MAP4K3: variants seen among roughly 807,000 people sequenced by gnomAD.
MAP4K3 encodes the protein MAPK/ERK kinase kinase kinase 3.
MAP4K3 carries 94 observed loss-of-function variants against 143.5 expected under a neutral mutation model. The ratio of observed to expected loss-of-function variants is 0.65; its 90% confidence interval spans 0.55 to 0.78. MAP4K3 has a LOEUF of 0.78. MAP4K3 is among the 30% of genes least tolerant of loss of function. The pLI is 0.00. For missense variants in MAP4K3, 1,077 were observed against 1,068.1 expected, an observed-to-expected ratio of 1.01 and a Z score of -0.12; for synonymous variants, 416 against 347.2, an observed-to-expected ratio of 1.20 and a Z score of -2.20.
chr2:39,290,235 A>G (rs552741509), intron 19 of MAP4K3, 57 bp downstream of exon 19: 3 of 1,306,698 alleles, frequency 2.3e-6, no homozygotes, highest in South Asian at 2.8e-5. Context: ...TCAACAAAGT[A>G]TTAAATTGGC....
At chr2:39,414,474 G>T (rs1051418140) in intron 1 of MAP4K3, among the ~76,000 whole-genome samples, 1 of 152,134 alleles carries the variant, frequency 6.6e-6, no homozygotes, top group Non-Finnish European at 1.5e-5. Context: ...AAACATTTCA[G>T]TAATGTTTTT....
chr2:39,258,443 AGAG>A lies in MAP4K3; in HGVS notation c.2378-6_2378-4del, dbSNP rs1382990576. On this transcript the variant is annotated splice_region_variant and splice_polypyrimidine_tract_variant and intron_variant, in intron 30 of 33. Transcript: ENST00000263881. ...GAGATTTACTATTTTTATACAACCT[AGAG>A]GAAAAAAAGTCACTCAGAAACTAAG... 3 of 1,605,922 alleles carry A rather than the reference AGAG, an allele frequency of 1.9e-6. No homozygotes were observed. Among genetic ancestry groups the A allele is most frequent in the Non-Finnish European group, 2.6e-6 (3 of 1,173,794 alleles).
At chr2:39,393,809 G>A (rs1666732595) in intron 1 of MAP4K3, among the ~76,000 whole-genome samples, 1 of 152,026 alleles carries the variant, frequency 6.6e-6, no homozygotes, top group South Asian at 2.1e-4. Flanking sequence ...TGCAGAACCT[G>A]TGTATATGAA....
chr2:39,254,697 T>C (rs529146891), intron 31 of MAP4K3, among the ~76,000 whole-genome samples, 177 bp from the exon 32 acceptor site: 1 of 152,356 alleles, frequency 6.6e-6, no homozygotes, highest in East Asian at 1.9e-4. Context: ...ACAGAGCTTA[T>C]GCATCTTTTT....
At chr2:39,346,194 C>T (rs1665287005) in intron 3 of MAP4K3, among the ~76,000 whole-genome samples, 1 of 152,130 alleles carries the variant, frequency 6.6e-6, no homozygotes. Context: ...GAGAATGTAA[C>T]CACTATCTCC....
chr2:39,275,487 TAAC>T (rs1200448670), intron 24 of MAP4K3, among the ~76,000 whole-genome samples: 3 of 152,048 alleles, frequency 2.0e-5, no homozygotes, highest in South Asian at 2.1e-4. Flanking sequence ...GTCTCAAAAA[TAAC>T]AACAACAACA....
At chr2:39,264,543 C>T (rs1270339519) in intron 28 of MAP4K3, among the ~76,000 whole-genome samples, 1 of 152,120 alleles carries the variant, frequency 6.6e-6, no homozygotes, top group African/African-American at 2.4e-5. Flanking sequence ...CTAATTTCTA[C>T]TGAGATCAAA....
chr2:39,293,188 G>C, intron 17 of MAP4K3, 42 bp downstream of exon 17: 2 of 1,374,688 alleles, frequency 1.5e-6, no homozygotes, highest in Non-Finnish European at 2.0e-6. Context: ...GACTTTACTT[G>C]TCTGTGACAT....
chr2:39,282,751 T>C (rs1452540104), intron 21 of MAP4K3, among the ~76,000 whole-genome samples, 197 bp from the exon 22 acceptor site: 1 of 152,236 alleles, frequency 6.6e-6, no homozygotes, highest in Non-Finnish European at 1.5e-5. Flanking sequence ...AAAACTAGTT[T>C]GGTGTAAAAC....
At chr2:39,349,068 G>C (rs544636266) in intron 3 of MAP4K3, among the ~76,000 whole-genome samples, 1 of 152,168 alleles carries the variant, frequency 6.6e-6, no homozygotes. Flanking sequence ...AGGATGGCTA[G>C]CTATCCTGTA....
chr2:39,250,723 C>T lies in MAP4K3; in HGVS notation c.2598-18G>A, dbSNP rs1323526174. ...CCACGACCCTGAAAGTAATAAAAAA[C>T]ATATAACAAAACAAAGTTATTCCTG... is the stretch of plus-strand genomic sequence containing the variant. On this transcript the variant is annotated intron_variant, in intron 33 of 33. Transcript: ENST00000263881. 1.0e-5 allele frequency: 16 copies of T among 1,603,552 alleles called. 1 individual carries two copies. The South Asian group carries it at 1.2e-4, about 12-fold the overall frequency.
rs573768973 is a variant in MAP4K3, at chr2:39,263,694, T to C, written c.2136+1509A>G. On this transcript the variant is annotated intron_variant, in intron 28 of 33. Transcript: ENST00000263881. ...AGAAAAGGGAGAAGAGTGATTAAAA[T>C]CTTGAGGGAGACCTGCAAGTAGTAT... Among the ~76,000 whole-genome samples, 67 of 152,234 alleles carry C rather than the reference T, an allele frequency of 4.4e-4. 1 individual carries two copies. Among genetic ancestry groups the C allele is most frequent in the South Asian group, 2.5e-3 (12 of 4,822 alleles).
intron 2 of MAP4K3, among the ~76,000 whole-genome samples, chr2:39,367,635 G>C (rs1665961795): frequency 6.6e-6 from 1 of 152,104 alleles, no homozygotes; most frequent in South Asian, 2.1e-4. Context: ...GCTGGGCATG[G>C]TGTTGGAAGC....
intron 1 of MAP4K3, among the ~76,000 whole-genome samples, chr2:39,390,427 C>G (rs935455419): frequency 6.6e-6 from 1 of 152,198 alleles, no homozygotes; most frequent in Non-Finnish European, 1.5e-5. Context: ...ACCACGCAGA[C>G]TCTGAATCAG....
chr2:39,254,477 C>A lies in MAP4K3; in HGVS notation c.2514G>T (p.Met838Ile). ...CATTAGATCTAAAACTTCTACCTTG[C>A]ATTCCATGTTTCCAGAAAGCTAGCA... ...DSVLAFWKHG[M>I]QGRSFRSNEV... The change falls in exon 32 of 34, where the codon ATG becomes ATT. Residue 838 changes from methionine to isoleucine, a missense_variant. Physicochemically the swap from Met to Ile is conservative, Grantham distance 10. Around this residue, in one of 2 missense-constraint regions of MAP4K3, gnomAD observed 864 missense variants for 801.2 expected, o/e 1.08. Transcript: ENST00000263881. 2 of 1,613,922 alleles carry A rather than the reference C, an allele frequency of 1.2e-6. No individual in the cohort carries two copies. The highest frequency in any genetic ancestry group is 2.2e-5 in the South Asian group (2 of 91,042).
intron 1 of MAP4K3, among the ~76,000 whole-genome samples, chr2:39,391,088 G>T (rs1666639811): frequency 6.6e-6 from 1 of 152,072 alleles, no homozygotes; most frequent in African/African-American, 2.4e-5. Context: ...GGGCGCGGTG[G>T]CTCAAGCCTG....
chr2:39,354,543 G>A (rs1282286826), intron 3 of MAP4K3, among the ~76,000 whole-genome samples: 4 of 152,050 alleles, frequency 2.6e-5, no homozygotes, highest in Admixed American at 6.6e-5. Context: ...TCTTGAACCC[G>A]GGAAGTGGAG....
chr2:39,295,712 C>T (rs1682249310), intron 16 of MAP4K3, among the ~76,000 whole-genome samples: 1 of 135,990 alleles, frequency 7.4e-6, no homozygotes. Flanking sequence ...ATTCGCATTC[C>T]ATGTTTTTTT....
intron 1 of MAP4K3, among the ~76,000 whole-genome samples, chr2:39,417,466 C>G (rs1216906617): frequency 1.3e-5 from 2 of 151,972 alleles, no homozygotes; most frequent in South Asian, 2.1e-4. Flanking sequence ...TGATCCACCC[C>G]CTCCGTCTCC....
Sources: allele counts gnomAD v4.1 joint callset (sites outside exome capture counted in the v4.1 genomes callset), GRCh38; gene constraint gnomAD v4.1.1; regional missense constraint gnomAD v4.1.1; transcripts MANE v1.5; gene names NCBI Gene and HGNC (gene_info 2026-07-23, HGNC 2026-07-21).